Variants in ABCB5 observed in about 807,000 individuals in gnomAD.
ABCB5 encodes ATP binding cassette subfamily B member 5.
A neutral mutation model predicts 144.2 loss-of-function variants in ABCB5; 155 were observed. The observed-to-expected ratio is 1.08, with a 90% CI of 0.94 to 1.23. ABCB5 has a LOEUF of 1.23. Among genes scored for constraint, ABCB5 ranks in the 50% most tolerant of loss-of-function variants. ABCB5 has a pLI of 0.00. For synonymous variants in ABCB5, 610 were observed against 528.6 expected, an observed-to-expected ratio of 1.15 and a Z score of -2.11; for missense variants, 1,830 against 1,520.8, an observed-to-expected ratio of 1.20 and a Z score of -3.38.
intron 14 of ABCB5, chr7:20,667,665 GC>G (rs1272274142): frequency 1.6e-6 from 1 of 610,766 alleles, no homozygotes; most frequent in African/African-American, 2.1e-5. Flanking sequence ...AATAACATTC[GC>G]CTCTGCCCCT....
In ABCB5 at chr7:20,695,824, G is replaced by A. The variant is rs115017163; in HGVS notation, c.2011-2583G>A. ...ATAAGCACACAAAAAGATGCCCAAC[G>A]TGGTTAGTCATTTCAGAAATGCAAA... On this transcript the variant is annotated intron_variant, in intron 16 of 27. Coordinates refer to ENST00000404938, the MANE Select transcript of ABCB5 (RefSeq NM_001163941.2). Among the ~76,000 whole-genome samples, 1,050 of 151,940 alleles carry A rather than the reference G, an allele frequency of 6.9e-3. 13 individuals carry two copies. Among genetic ancestry groups the A allele is most frequent in the African/African-American group, 0.023 (960 of 41,490 alleles).
intron 5 of ABCB5, among the ~76,000 whole-genome samples, chr7:20,640,828 TG>T (rs1339703825): frequency 6.6e-6 from 1 of 152,204 alleles, no homozygotes; most frequent in Non-Finnish European, 1.5e-5. Context: ...TCCTCTCCCG[TG>T]TTGCTTGGTA....
intron 14 of ABCB5, among the ~76,000 whole-genome samples, chr7:20,673,750 T>C (rs1785523721): frequency 6.6e-6 from 1 of 152,030 alleles, no homozygotes; most frequent in South Asian, 2.1e-4. Flanking sequence ...GTTTAGACCA[T>C]TTACATTTAA....
intron 13 of ABCB5, among the ~76,000 whole-genome samples, chr7:20,651,879 T>C (rs546946987): frequency 5.3e-5 from 8 of 151,890 alleles, no homozygotes; most frequent in Non-Finnish European, 1.2e-4. Context: ...TTAATTTTAG[T>C]GTATTTAATG....
intron 26 of ABCB5, 51 bp from the exon 27 acceptor site, chr7:20,753,309 C>A (rs1008197056): frequency 6.4e-7 from 1 of 1,557,890 alleles, no homozygotes; most frequent in Non-Finnish European, 8.7e-7. Flanking sequence ...AGTTGCCATG[C>A]TAATTTAAAT....
intron 13 of ABCB5, among the ~76,000 whole-genome samples, chr7:20,654,814 ATAGT>A (rs1330251079): frequency 1.5e-4 from 23 of 152,186 alleles, no homozygotes; most frequent in Non-Finnish European, 2.6e-4. Flanking sequence ...TTTGTGAGAT[ATAGT>A]TAAAGTATTG....
intron 16 of ABCB5, 95 bp downstream of exon 16, chr7:20,685,931 C>T: frequency 6.3e-6 from 8 of 1,269,344 alleles, no homozygotes; most frequent in Non-Finnish European, 8.5e-6. Flanking sequence ...TAAAATATTA[C>T]TTACTGTAGC....
chr7:20,751,104 G>A (rs1782912627), intron 26 of ABCB5, among the ~76,000 whole-genome samples: 1 of 152,138 alleles, frequency 6.6e-6, no homozygotes, highest in Non-Finnish European at 1.5e-5. Flanking sequence ...TTCCCTCTGG[G>A]ACACAACTGA....
rs151063812 is a variant in ABCB5 at position 20,673,698 on chromosome 7, C to T, written c.1708-7807C>T. ...ACAGATGACACGTAGTTGGGTCTTG[C>T]TTTTGTATTCAAACTGAAAATCTCT... is the stretch of plus-strand genomic sequence containing the variant. On this transcript the variant is annotated intron_variant, in intron 14 of 27. Transcript: ENST00000404938. 2.5e-3 allele frequency among the ~76,000 whole-genome samples: 378 copies of T among 151,926 alleles called. 3 individuals are homozygous for T. Among genetic ancestry groups the T allele is most frequent in the African/African-American group, 8.7e-3 (361 of 41,522 alleles).
chr7:20,616,535 A>T (rs1193576072), intron 1 of ABCB5, among the ~76,000 whole-genome samples: 1 of 152,232 alleles, frequency 6.6e-6, no homozygotes, highest in East Asian at 1.9e-4. Flanking sequence ...GTCCTTATAA[A>T]TAAAATATTC....
intron 23 of ABCB5, among the ~76,000 whole-genome samples, chr7:20,737,579 G>A (rs1181539777): frequency 6.6e-6 from 1 of 152,088 alleles, no homozygotes; most frequent in Non-Finnish European, 1.5e-5. Context: ...CAAATCATGG[G>A]AAGAAGCTAT....
intron 12 of ABCB5, among the ~76,000 whole-genome samples, chr7:20,650,679 T>C (rs1784556889): frequency 6.6e-6 from 1 of 152,192 alleles, no homozygotes; most frequent in East Asian, 1.9e-4. Flanking sequence ...TTAATGCTTC[T>C]GTTCAAAGTT....
rs144432775 is a variant in ABCB5 at position 20,700,733 on chromosome 7, G to T, written c.2337+598G>T. Among the ~76,000 whole-genome samples the T allele has an allele frequency of 2.0e-3, 309 of 152,290 alleles. 3 individuals are homozygous for T. The highest frequency in any genetic ancestry group is 0.02 in the East Asian group (104 of 5,182). On this transcript the variant is annotated intron_variant, in intron 19 of 27. Transcript: ENST00000404938. ...AAGTGAGTCTTGGGGGCAAATGGAA[G>T]GAATGTCTCAGACTGGCACCTCTAA...
chr7:20,740,293 A>T (rs921808579), intron 24 of ABCB5, among the ~76,000 whole-genome samples: 2 of 152,180 alleles, frequency 1.3e-5, no homozygotes, highest in African/African-American at 4.8e-5. Flanking sequence ...TTAAATATAC[A>T]TTCAATTTTA....
In ABCB5 at chr7:20,625,592, A is replaced by G. The variant is rs940330452; in HGVS notation, c.54-965A>G. On this transcript the variant is annotated intron_variant, in intron 2 of 27. Transcript: ENST00000404938. ...CAGATTTTGTTACTAAAGGTTAAAA[A>G]TTGCAATCCACCACTTCATACTCAT... Among the ~76,000 whole-genome samples the G allele has an allele frequency of 2.0e-5, 3 of 152,220 alleles. No individual in the cohort carries two copies. The South Asian group carries it at 6.2e-4, about 32-fold the overall frequency.
intron 12 of ABCB5, among the ~76,000 whole-genome samples, 194 bp downstream of exon 12, chr7:20,650,341 T>A (rs945471815): frequency 4.6e-5 from 7 of 152,196 alleles, no homozygotes; most frequent in Non-Finnish European, 8.8e-5. Flanking sequence ...TGTTTTAGGT[T>A]CTGAGAATAC....
chr7:20,670,325 A>C (rs1404079142), intron 14 of ABCB5, among the ~76,000 whole-genome samples: 1 of 152,030 alleles, frequency 6.6e-6, no homozygotes, highest in Non-Finnish European at 1.5e-5. Flanking sequence ...GGTACATGGA[A>C]GCTTCCTGCA....
rs1187222290 is a variant in ABCB5, at chr7:20,681,635, G to A, written c.1838G>A (p.Arg613Gln). 13 of 1,613,982 alleles carry A rather than the reference G, an allele frequency of 8.1e-6. No individual in the cohort carries two copies. Among genetic ancestry groups the A allele is most frequent in the South Asian group, 3.3e-5 (3 of 91,088 alleles). The change falls in exon 15 of 28, where the codon CGA (arginine) becomes CAA (glutamine). Residue 613 changes from arginine (R) to glutamine (Q), a missense_variant. Coordinates refer to ENST00000404938, the MANE Select transcript of ABCB5 (RefSeq NM_001163941.2). ...KGAHAELMAK[R>Q]GLYYSLVMSQ... ...GCACATGCTGAACTAATGGCAAAACGAGGTCTATATTATTCACTTGTGATG... is the reference window on the plus strand; with the variant it reads ...GCACATGCTGAACTAATGGCAAAACAAGGTCTATATTATTCACTTGTGATG...
intron 3 of ABCB5, among the ~76,000 whole-genome samples, chr7:20,628,324 C>CA (rs1393975001): frequency 6.6e-6 from 1 of 152,122 alleles, no homozygotes; most frequent in African/African-American, 2.4e-5. Context: ...CATGTCCCTG[C>CA]AAAGGACATG....
Sources: gnomAD v4.1 joint callset for allele counts (sites outside exome capture counted in the v4.1 genomes callset) on GRCh38, gnomAD v4.1.1 for gene constraint, MANE v1.5 for transcripts, NCBI Gene and HGNC (gene_info 2026-07-23, HGNC 2026-07-21) for gene names.